PCDHA10: variants seen among roughly 807,000 people sequenced by gnomAD.
PCDHA10 encodes protocadherin alpha-10.
In PCDHA10, 45 loss-of-function variants were observed where a neutral mutation model predicts 61.2. The ratio of observed to expected loss-of-function variants is 0.74; its 90% CI spans 0.58 to 0.94. The LOEUF is 0.94. Ranked by LOEUF, PCDHA10 falls within the 40% of genes least tolerant of loss-of-function variation. The pLI, the probability that PCDHA10 is intolerant of heterozygous loss-of-function variation, is 0.00. For missense variants in PCDHA10, 1,278 were observed against 1,236.2 expected, an observed-to-expected ratio of 1.03 and a Z score of -0.51; for synonymous variants, 602 against 548.8, an observed-to-expected ratio of 1.10 and a Z score of -1.35.
Position 140,857,204 on chromosome 5 carries a change from T to C in PCDHA10, c.1156T>C (p.Cys386Arg), listed in dbSNP as rs202111737. Residue 386 changes from cysteine (C) to arginine (R), a missense_variant, in exon 1 of 4, where the codon TGC becomes CGC. Coordinates refer to ENST00000307360, the MANE Select transcript of PCDHA10 (RefSeq NM_018901.4). ...TTCAGGAGCCAACGGACAGGTCACC[T>C]GCTCTCTGACGCCTCACGTTCCGTT... ...HDSGANGQVT[C>R]SLTPHVPFKL... 221 of 1,598,644 alleles carry C rather than the reference T, an allele frequency of 1.4e-4. 20 individuals are homozygous for C. The highest frequency in any genetic ancestry group is 2.4e-4 in the Admixed American group (14 of 59,320).
intron 3 of PCDHA10, among the ~76,000 whole-genome samples, chr5:140,990,850 T>C (rs528860965): frequency 3.3e-5 from 5 of 152,312 alleles, no homozygotes; most frequent in African/African-American, 1.2e-4. Context: ...AATAGAGCCC[T>C]GAGGACATTG....
At chr5:140,965,237 G>A (rs2095882583) in intron 1 of PCDHA10, among the ~76,000 whole-genome samples, 1 of 152,204 alleles carries the variant, frequency 6.6e-6, no homozygotes, top group African/African-American at 2.4e-5. Context: ...AACCTGGGAA[G>A]AGTGAATATT....
intron 1 of PCDHA10, chr5:140,968,562 C>G: frequency 6.2e-7 from 1 of 1,614,208 alleles, no homozygotes; most frequent in South Asian, 1.1e-5. Flanking sequence ...CGAACTGCCC[C>G]TGCTGGCTAC....
At chr5:141,009,257 C>T (rs1375950001) in intron 3 of PCDHA10, among the ~76,000 whole-genome samples, 1 of 152,136 alleles carries the variant, frequency 6.6e-6, no homozygotes, top group East Asian at 1.9e-4. Flanking sequence ...GTGTTTGAGA[C>T]CAGCCTGGGC....
intron 1 of PCDHA10, chr5:140,882,076 G>A: frequency 1.1e-6 from 1 of 920,546 alleles, no homozygotes. Flanking sequence ...TGCGCATGGT[G>A]TCGCTCTTCA....
intron 1 of PCDHA10, among the ~76,000 whole-genome samples, chr5:140,965,255 G>C (rs1426270395): frequency 1.3e-5 from 2 of 152,196 alleles, no homozygotes; most frequent in Non-Finnish European, 2.9e-5. Context: ...ATTCAGAACT[G>C]AGCAGCAGAG....
chr5:140,902,316 G>C (rs2069370797), intron 1 of PCDHA10, among the ~76,000 whole-genome samples: 1 of 151,402 alleles, frequency 6.6e-6, no homozygotes, highest in Non-Finnish European at 1.5e-5. Context: ...GGGATTACAG[G>C]TGTAACTCAC....
chr5:140,880,821 G>A (rs1054552020), intron 1 of PCDHA10, among the ~76,000 whole-genome samples: 4 of 152,206 alleles, frequency 2.6e-5, no homozygotes, highest in African/African-American at 7.2e-5. Flanking sequence ...AGAGTGTCTG[G>A]AAGGGCATAT....
Position 140,885,836 on chromosome 5 carries a change from C to T in PCDHA10, c.2388+27400C>T, listed in dbSNP as rs186775413. On this transcript the variant is annotated intron_variant, in intron 1 of 3. Transcript: ENST00000307360. ...TGTATTTGATCTTCTTTGATTTATC[C>T]ATTAAGTTATTTGCCTACTTTTCTA... Among the ~76,000 whole-genome samples the T allele has an allele frequency of 3.1e-3, 470 of 152,032 alleles. 3 individuals are homozygous for T. Among genetic ancestry groups the T allele is most frequent in the Middle Eastern group, 0.014 (4 of 294 alleles).
intron 2 of PCDHA10, among the ~76,000 whole-genome samples, chr5:140,979,622 T>C (rs1300997272): frequency 6.6e-6 from 1 of 152,246 alleles, no homozygotes; most frequent in Non-Finnish European, 1.5e-5. Flanking sequence ...GGTATTAGTC[T>C]AAGACTCAGA....
At chr5:140,922,815 C>G (rs2081002299) in intron 1 of PCDHA10, among the ~76,000 whole-genome samples, 2 of 152,158 alleles carry the variant, frequency 1.3e-5, no homozygotes, top group Non-Finnish European at 2.9e-5. Context: ...AAAGGAGATA[C>G]AGCATACTGC....
At chr5:140,883,630 G>T (rs1424400219) in intron 1 of PCDHA10, 8 of 1,613,966 alleles carry the variant, frequency 5.0e-6, no homozygotes, top group Non-Finnish European at 6.8e-6. Context: ...ACGCGCCGGC[G>T]TTCGCGCAGC....
chr5:140,892,536 A>G (rs916916323), intron 1 of PCDHA10, among the ~76,000 whole-genome samples: 1 of 152,208 alleles, frequency 6.6e-6, no homozygotes, highest in African/African-American at 2.4e-5. Flanking sequence ...CAGGATTCTG[A>G]CTTTTGTTTC....
intron 1 of PCDHA10, chr5:140,883,703 G>C: frequency 6.2e-7 from 1 of 1,613,802 alleles, no homozygotes; most frequent in Non-Finnish European, 8.5e-7. Context: ...CACGGTGTCT[G>C]CTCAGGACGC....
chr5:140,864,654 C>T (rs1554159035), intron 1 of PCDHA10: 1 of 152,246 alleles, frequency 6.6e-6, no homozygotes, highest in Non-Finnish European at 1.5e-5. Context: ...GTCAGCTCTA[C>T]TTAATTACCT....
intron 1 of PCDHA10, among the ~76,000 whole-genome samples, chr5:140,896,091 G>A (rs1353012571): frequency 2.0e-5 from 3 of 152,104 alleles, no homozygotes; most frequent in African/African-American, 2.4e-5. Flanking sequence ...GATTACAGGC[G>A]TGAGCCACTG....
chr5:140,871,674 A>G (rs1582053798), intron 1 of PCDHA10: 3 of 1,137,860 alleles, frequency 2.6e-6, no homozygotes, highest in Non-Finnish European at 3.6e-6. Context: ...TCTTTTAATC[A>G]TATGAATAAT....
At chr5:140,919,658 T>G (rs1271844986) in intron 1 of PCDHA10, among the ~76,000 whole-genome samples, 1 of 152,230 alleles carries the variant, frequency 6.6e-6, no homozygotes, top group South Asian at 2.1e-4. Context: ...GTTTACCATA[T>G]ATATTTTAGC....
At chr5:140,968,460 C>T (rs1554230749) in intron 1 of PCDHA10, 3 of 1,613,978 alleles carry the variant, frequency 1.9e-6, no homozygotes, top group Non-Finnish European at 2.5e-6. Context: ...ACTGTGACTG[C>T]CAACGTATAT....
Sources: allele counts gnomAD v4.1 joint callset (sites outside exome capture counted in the v4.1 genomes callset), GRCh38; gene constraint gnomAD v4.1.1; transcripts MANE v1.5; gene names NCBI Gene and HGNC (gene_info 2026-07-23, HGNC 2026-07-21).